Variants in TSHZ3 observed in about 807,000 individuals in gnomAD.
The protein encoded by TSHZ3 is teashirt zinc finger homeobox 3, also known as teashirt homolog 3.
TSHZ3 carries 10 observed loss-of-function variants against 64.5 expected under a neutral mutation model. The observed-to-expected ratio is 0.16, with a 90% CI of 0.10 to 0.26. The LOEUF (loss-of-function observed/expected upper bound fraction) is 0.26, where lower values mean the gene tolerates loss of function less well. TSHZ3 is among the 10% of genes least tolerant of loss of function. TSHZ3 has a pLI of 1.00. For missense variants in TSHZ3, 1,242 were observed against 1,421.7 expected (o/e 0.87, Z 2.03); for synonymous variants, 608 against 593.1 (o/e 1.03, Z -0.36).
chr19:31,160,138 G>A (rs1425411176), intron 5 of TSHZ3, among the ~76,000 whole-genome samples: 3 of 152,162 alleles, frequency 2.0e-5, no homozygotes, highest in East Asian at 1.9e-4. Flanking sequence ...CCCCGAGACA[G>A]GTACTGTTGT....
chr19:31,163,605 C>T (rs1485771442), intron 5 of TSHZ3, among the ~76,000 whole-genome samples: 3 of 152,124 alleles, frequency 2.0e-5, no homozygotes, highest in Non-Finnish European at 4.4e-5. Flanking sequence ...GTCGCGCTTG[C>T]CTGTAATCCA....
rs552223166 is a variant in TSHZ3 at position 31,278,653 on chromosome 19, G to A, written c.1140C>T (p.Ala380=). The part of the protein sequence containing the change: ...NGASYAWHFE[A]RKSQILKCME... ...TGCACTTCAGGATCTGCGACTTCCG[G>A]GCCTCAAAGTGCCATGCATAGCTGG... The change falls in exon 2 of 2, where the codon GCC becomes GCT. Residue 380 remains alanine (A), a synonymous_variant. Coordinates refer to ENST00000240587, the MANE Select transcript of TSHZ3 (RefSeq NM_020856.4). This position sits in a 1 kb window ranked among gnomAD's most constrained non-coding sequence, Gnocchi z 4.7. The A allele has an allele frequency of 3.1e-6, 5 of 1,614,086 alleles. No homozygotes were observed. The highest frequency in any genetic ancestry group is 4.2e-6 in the Non-Finnish European group (5 of 1,180,004).
intron 1 of TSHZ3, among the ~76,000 whole-genome samples, chr19:31,266,761 C>T (rs1976058496): frequency 6.6e-6 from 1 of 152,210 alleles, no homozygotes; most frequent in Non-Finnish European, 1.5e-5. Context: ...TGATATTTTG[C>T]TTTGGACGAT....
Position 31,277,132 on chromosome 19 carries a change from G to A in TSHZ3, c.2661C>T (p.Pro887=), listed in dbSNP as rs148165190. 6.5e-5 allele frequency: 104 copies of A among 1,606,368 alleles called. No homozygotes were observed. Among genetic ancestry groups the A allele is most frequent in the African/African-American group, 5.1e-4 (38 of 74,862 alleles). ...ATLEEAEEST[P]AQKRKGRQSN... is the part of the protein sequence containing the mutation. ...ACTGGCGGCCCTTCCTCTTCTGGGC[G>A]GGCGTCGACTCCTCAGCCTCCTCCA... The change falls in exon 2 of 2, where the codon CCC becomes CCT. Residue 887 remains proline (P), a synonymous_variant. Transcript: ENST00000240587. This position sits in a 1 kb window ranked among gnomAD's most constrained non-coding sequence, Gnocchi z 4.5.
At chr19:31,282,506 C>A (rs1976380857) in intron 1 of TSHZ3, among the ~76,000 whole-genome samples, 1 of 152,110 alleles carries the variant, frequency 6.6e-6, no homozygotes, top group Non-Finnish European at 1.5e-5. Context: ...GCTCTGCCAG[C>A]CCACATTCCA....
Position 31,279,464 on chromosome 19 carries a change from G to A in TSHZ3, c.329C>T (p.Thr110Ile). 6.2e-7 allele frequency: 1 copy of A among 1,614,208 alleles called. No homozygotes were observed. Among genetic ancestry groups the A allele is most frequent in the Middle Eastern group, 1.6e-4 (1 of 6,062 alleles). Residue 110 changes from threonine (T) to isoleucine (I), a missense_variant, in exon 2 of 2, where the codon ACT (threonine) becomes ATT (isoleucine). Physicochemically the swap from Thr to Ile is moderately conservative, Grantham distance 89. This residue lies in a region of TSHZ3 where 555 missense variants were observed against 704.0 expected (regional missense o/e 0.79). Transcript: ENST00000240587. The surrounding 1 kb of genome is among the most constrained non-coding windows in gnomAD (Gnocchi z 6.4). Reference sequence around the variant, plus strand: ...CATCTGCTCCAGGCTATCCGACACAGTCGTGTCTTCCAGTGGGACCGTGAC... The same window carrying A: ...CATCTGCTCCAGGCTATCCGACACAATCGTGTCTTCCAGTGGGACCGTGAC... ...KEVTVPLEDT[T>I]VSDSLEQMKA...
At chr19:31,183,121 G>A (rs1049825580) in intron 5 of TSHZ3, among the ~76,000 whole-genome samples, 1 of 151,698 alleles carries the variant, frequency 6.6e-6, no homozygotes, top group East Asian at 2.0e-4. Context: ...CTACCAGCCT[G>A]CCCTGCAGAT....
intron 1 of TSHZ3, among the ~76,000 whole-genome samples, chr19:31,345,248 G>C (rs1371585696): frequency 6.6e-6 from 1 of 152,222 alleles, no homozygotes; most frequent in Non-Finnish European, 1.5e-5. Context: ...CCTTGCTACA[G>C]AGTAGAATAC....
intron 1 of TSHZ3, chr19:31,348,904 G>A (rs2021604781): frequency 2.5e-6 from 1 of 395,986 alleles, no homozygotes; most frequent in Admixed American, 4.6e-5. Context: ...CTCTGCAGCC[G>A]GAGAGCTGAG....
chr19:31,312,020 G>A (rs993206474), intron 1 of TSHZ3, among the ~76,000 whole-genome samples: 2 of 152,138 alleles, frequency 1.3e-5, no homozygotes, highest in African/African-American at 2.4e-5. Context: ...CACTGCACCC[G>A]GCCAAGCCAC....
intron 1 of TSHZ3, among the ~76,000 whole-genome samples, chr19:31,310,619 G>A (rs757267538): frequency 2.6e-5 from 4 of 152,138 alleles, no homozygotes; most frequent in Admixed American, 1.3e-4. Flanking sequence ...CAGAGTGCGG[G>A]CTCTGTGTGA....
chr19:31,313,244 G>C (rs1320397832), intron 1 of TSHZ3, among the ~76,000 whole-genome samples: 1 of 152,152 alleles, frequency 6.6e-6, no homozygotes, highest in Admixed American at 6.5e-5. Context: ...GAATTTGTCA[G>C]GTTTCTATTA....
chr19:31,276,762 T>C lies in TSHZ3; in HGVS notation c.3031A>G (p.Thr1011Ala). Reference sequence around the variant, plus strand: ...GCTATCTGACTGTTAATCTGTTCGGTGGACAGTTTGGATAAGTCCCGTAGC... The same window carrying C: ...GCTATCTGACTGTTAATCTGTTCGGCGGACAGTTTGGATAAGTCCCGTAGC... ...FRLRDLSKLS[T>A]EQINSQIAQT... Residue 1011 changes from threonine to alanine, a missense_variant, in exon 2 of 2, where the codon ACC (threonine) becomes GCC (alanine). Thr to Ala is a moderately conservative substitution (Grantham distance 58). Transcript: ENST00000240587. 1 of 1,613,878 alleles carries C rather than the reference T, an allele frequency of 6.2e-7. No homozygotes were observed. Among genetic ancestry groups the C allele is most frequent in the Non-Finnish European group, 8.5e-7 (1 of 1,179,746 alleles).
intron 1 of TSHZ3, among the ~76,000 whole-genome samples, chr19:31,317,256 C>T (rs1310617017): frequency 6.6e-6 from 1 of 152,162 alleles, no homozygotes; most frequent in Non-Finnish European, 1.5e-5. Flanking sequence ...AGCATTAAAA[C>T]GCTGATATGC....
chr19:31,291,379 C>G (rs1446920723), intron 1 of TSHZ3, among the ~76,000 whole-genome samples: 9 of 152,166 alleles, frequency 5.9e-5, no homozygotes, highest in Admixed American at 5.9e-4. Context: ...TCTAGCAGCT[C>G]CTCCCCAGAA....
chr19:31,294,692 ATT>A (rs1368723669), intron 1 of TSHZ3, among the ~76,000 whole-genome samples: 1 of 152,188 alleles, frequency 6.6e-6, no homozygotes, highest in Admixed American at 6.5e-5. Flanking sequence ...TATATAATCT[ATT>A]GACTGGTTGG....
chr19:31,194,716 G>C (rs1974960055), intron 5 of TSHZ3, among the ~76,000 whole-genome samples: 1 of 152,228 alleles, frequency 6.6e-6, no homozygotes, highest in Non-Finnish European at 1.5e-5. Flanking sequence ...AAACAGTGCA[G>C]ATTGAAGAGA....
chr19:31,213,356 CAAAA>C (rs35192337), intron 4 of TSHZ3, among the ~76,000 whole-genome samples: 19 of 23,290 alleles, frequency 8.2e-4, no homozygotes, highest in African/African-American at 1.8e-3. Context: ...GACTCTGTCT[CAAAA>C]AAAAAAAAAA....
intron 5 of TSHZ3, among the ~76,000 whole-genome samples, chr19:31,159,063 G>A (rs1170812685): frequency 2.0e-5 from 3 of 152,142 alleles, no homozygotes; most frequent in African/African-American, 7.2e-5. Context: ...GCAGTGGCGT[G>A]ATCTCAGCTC....
Sources: gnomAD v4.1 joint callset for allele counts (sites outside exome capture counted in the v4.1 genomes callset) on GRCh38, gnomAD v4.1.1 for gene constraint, gnomAD v4.1.1 regional missense constraint, Gnocchi (gnomAD v3.1) non-coding constraint, MANE v1.5 for transcripts, NCBI Gene and HGNC (gene_info 2026-07-23, HGNC 2026-07-21) for gene names.